NTRK3: variants seen among roughly 807,000 people sequenced by gnomAD.
NTRK3 encodes neurotrophic receptor tyrosine kinase 3, also known as NT-3 growth factor receptor.
A neutral mutation model predicts 91.7 loss-of-function variants in NTRK3; 24 were observed. The ratio of observed to expected loss-of-function variants is 0.26; its 90% CI spans 0.19 to 0.37. NTRK3 has a LOEUF of 0.37. NTRK3 is among the 10% of genes least tolerant of loss of function. The pLI is 1.00. For missense variants in NTRK3, 880 were observed against 1,068.9 expected (o/e 0.82, Z 2.46); for synonymous variants, 483 against 404.0 (o/e 1.20, Z -2.34).
intron 14 of NTRK3, among the ~76,000 whole-genome samples, chr15:88,015,340 C>T (rs1237171867): frequency 6.6e-6 from 1 of 152,124 alleles, no homozygotes; most frequent in Non-Finnish European, 1.5e-5. Context: ...AAGACCTGCT[C>T]CCTCCACCCC....
intron 13 of NTRK3, among the ~76,000 whole-genome samples, chr15:88,125,973 C>T (rs958960540): frequency 6.6e-6 from 1 of 152,218 alleles, no homozygotes; most frequent in Non-Finnish European, 1.5e-5. Flanking sequence ...CTTCATTTGC[C>T]CTGAAATCCA....
At chr15:87,957,050 A>G (rs753018919) in intron 14 of NTRK3, among the ~76,000 whole-genome samples, 2 of 152,090 alleles carry the variant, frequency 1.3e-5, no homozygotes, top group Admixed American at 6.5e-5. Flanking sequence ...ACCCCACTCA[A>G]CGTGACCCAT....
chr15:88,123,271 G>T (rs980948578), intron 13 of NTRK3, among the ~76,000 whole-genome samples: 4 of 152,218 alleles, frequency 2.6e-5, no homozygotes, highest in African/African-American at 9.6e-5. Flanking sequence ...GAGGCACTGA[G>T]AAGGTAGTAA....
intron 17 of NTRK3, among the ~76,000 whole-genome samples, chr15:87,919,483 C>A (rs1026919843): frequency 8.5e-5 from 13 of 152,156 alleles, no homozygotes; most frequent in Admixed American, 2.0e-4. Context: ...ATACCAGATT[C>A]TTTTCTGTAT....
At chr15:88,107,591 G>T (rs751622048) in intron 13 of NTRK3, among the ~76,000 whole-genome samples, 28 of 152,092 alleles carry the variant, frequency 1.8e-4, no homozygotes, top group Non-Finnish European at 2.5e-4. Flanking sequence ...AACTTCACAG[G>T]CTCCCTGTTC....
chr15:88,034,141 GTTC>G (rs2078860975), intron 13 of NTRK3, among the ~76,000 whole-genome samples: 1 of 152,110 alleles, frequency 6.6e-6, no homozygotes, highest in Admixed American at 6.5e-5. Flanking sequence ...ACCCTCCCTT[GTTC>G]ACAGGGAGGT....
At chr15:88,020,433 G>A (rs2077520945) in intron 14 of NTRK3, among the ~76,000 whole-genome samples, 1 of 152,176 alleles carries the variant, frequency 6.6e-6, no homozygotes, top group Non-Finnish European at 1.5e-5. Context: ...AGAGTTGGGG[G>A]AAAGAAGTCG....
chr15:88,219,570 A>G (rs532126878), intron 3 of NTRK3, among the ~76,000 whole-genome samples: 1 of 152,372 alleles, frequency 6.6e-6, no homozygotes, highest in African/African-American at 2.4e-5. Context: ...AGAAACAGTC[A>G]TTCTCCCTGG....
At chr15:87,885,306 T>C (rs939495945) in intron 17 of NTRK3, among the ~76,000 whole-genome samples, 4 of 152,038 alleles carry the variant, frequency 2.6e-5, no homozygotes, top group Admixed American at 6.5e-5. Context: ...GAAGACTCAA[T>C]GTTATACATA....
At chr15:88,035,423 A>C (rs1027946105) in intron 13 of NTRK3, among the ~76,000 whole-genome samples, 4 of 152,182 alleles carry the variant, frequency 2.6e-5, no homozygotes, top group African/African-American at 9.6e-5. Flanking sequence ...CTGCCTCCCC[A>C]TCACACCAAT....
chr15:88,097,607 C>T (rs1384042715), intron 13 of NTRK3, among the ~76,000 whole-genome samples: 1 of 152,154 alleles, frequency 6.6e-6, no homozygotes, highest in African/African-American at 2.4e-5. Flanking sequence ...AAGATGTTCA[C>T]CTCATTGTTA....
chr15:88,044,521 A>G (rs2079977484), intron 13 of NTRK3, among the ~76,000 whole-genome samples: 1 of 151,810 alleles, frequency 6.6e-6, no homozygotes, highest in South Asian at 2.1e-4. Context: ...TTGGCCTTCC[A>G]AAGTGCTGGG....
intron 13 of NTRK3, among the ~76,000 whole-genome samples, chr15:88,112,040 G>A (rs576923777): frequency 1.3e-5 from 2 of 152,036 alleles, no homozygotes; most frequent in South Asian, 4.2e-4. Context: ...CTGAGTAGCT[G>A]GGACTACAGG....
intron 14 of NTRK3, among the ~76,000 whole-genome samples, chr15:87,954,031 T>C (rs2071417021): frequency 6.7e-6 from 1 of 148,778 alleles, no homozygotes; most frequent in Admixed American, 6.6e-5. Flanking sequence ...TGTGTGTGTG[T>C]GTGTGTGTGT....
chr15:88,133,903 G>A (rs1221071429), intron 10 of NTRK3, among the ~76,000 whole-genome samples: 1 of 152,180 alleles, frequency 6.6e-6, no homozygotes. Flanking sequence ...TTAGCTTAAT[G>A]CAGCCACATT....
At chr15:87,973,982 G>A (rs190412102) in intron 14 of NTRK3, among the ~76,000 whole-genome samples, 283 of 152,300 alleles carry the variant, frequency 1.9e-3, no homozygotes, top group Non-Finnish European at 2.7e-3. Context: ...GTCTGGCTCC[G>A]TGCAGAAAGC....
chr15:88,056,196 ATATATATT>A (rs1166869564), intron 13 of NTRK3, among the ~76,000 whole-genome samples: 11 of 100,448 alleles, frequency 1.1e-4, no homozygotes, highest in African/African-American at 3.3e-4. Flanking sequence ...ATATATATAT[ATATATATT>A]TTTTTTTTAA....
intron 13 of NTRK3, among the ~76,000 whole-genome samples, chr15:88,082,701 A>G (rs940927954): frequency 6.6e-6 from 1 of 152,222 alleles, no homozygotes; most frequent in African/African-American, 2.4e-5. Flanking sequence ...CAAAGAATGT[A>G]GTGATTCCTA....
chr15:87,979,223 G>C, intron 14 of NTRK3: 1 of 802,770 alleles, frequency 1.2e-6, no homozygotes, highest in Non-Finnish European at 2.2e-6. Context: ...GGGCACTGGT[G>C]GCTCATGCAG....
Sources: gnomAD v4.1 joint callset for allele counts (sites outside exome capture counted in the v4.1 genomes callset) on GRCh38, gnomAD v4.1.1 for gene constraint, MANE v1.5 for transcripts, NCBI Gene and HGNC (gene_info 2026-07-23, HGNC 2026-07-21) for gene names.